The following SV2C variants were observed in gnomAD, a reference collection of about 807,000 sequenced individuals.
The protein encoded by SV2C is synaptic vesicle glycoprotein 2C.
Under a neutral mutation model 79.7 loss-of-function variants are expected in SV2C, and 49 were observed. That is an observed-to-expected ratio of 0.61 (90% CI 0.49 to 0.78). SV2C has a LOEUF of 0.78. SV2C is among the 30% of genes least tolerant of loss of function. SV2C has a pLI of 0.00. For missense variants in SV2C, 833 were observed against 912.9 expected, an observed-to-expected ratio of 0.91 and a Z score of 1.13; for synonymous variants, 334 against 333.2, an observed-to-expected ratio of 1.00 and a Z score of -0.03.
intron 4 of SV2C, among the ~76,000 whole-genome samples, chr5:76,228,395 C>T (rs1745317679): frequency 6.6e-6 from 1 of 152,140 alleles, no homozygotes; most frequent in South Asian, 2.1e-4. Flanking sequence ...AGGAATCACA[C>T]AGTGGAGAGG....
rs767305649 is a variant in SV2C at position 76,300,918 on chromosome 5, G to A, written c.1826G>A (p.Arg609His). 2.6e-5 allele frequency: 42 copies of A among 1,613,926 alleles called. No homozygotes were observed. Among genetic ancestry groups the A allele is most frequent in the African/African-American group, 4.0e-5 (3 of 74,894 alleles). ...VSALLMDRIG[R>H]LTMLGGSMVL... The stretch of plus-strand genomic sequence containing the variant: ...GCTCTGCTGATGGACAGAATTGGGC[G>A]CTTAACAATGCTAGGTATGTACTCA... Residue 609 changes from arginine (R) to histidine (H), a missense_variant, in exon 11 of 13, where the codon CGC becomes CAC. Arg to His is a conservative substitution (Grantham distance 29). Coordinates refer to ENST00000502798, the MANE Select transcript of SV2C (RefSeq NM_014979.4).
intron 12 of SV2C, among the ~76,000 whole-genome samples, chr5:76,318,431 G>GAA (rs921242353): frequency 2.7e-4 from 39 of 146,002 alleles, no homozygotes; most frequent in Non-Finnish European, 1.2e-4. Context: ...AAGAAAGAAA[G>GAA]AAAAAAAAAA....
chr5:76,335,741 G>A (rs1255041685), downstream of SV2C, among the ~76,000 whole-genome samples: 9 of 151,140 alleles, frequency 6.0e-5, no homozygotes, highest in East Asian at 3.9e-4. Context: ...GTTGGGGGTA[G>A]GGTCACAGAT....
intron 2 of SV2C, among the ~76,000 whole-genome samples, chr5:76,155,783 G>A (rs951490821): frequency 1.3e-5 from 2 of 151,886 alleles, no homozygotes; most frequent in Non-Finnish European, 2.9e-5. Flanking sequence ...CACTTAGAGA[G>A]AAGCATACCA....
chr5:75,911,609 C>T, the SV2C span: 1 of 698,972 alleles, frequency 1.4e-6, no homozygotes, highest in East Asian at 2.7e-5. Context: ...GTAAGAACTC[C>T]TGAGGTCAAA....
the SV2C span, among the ~76,000 whole-genome samples, chr5:75,858,563 T>C: frequency 6.6e-6 from 1 of 152,214 alleles, no homozygotes; most frequent in Non-Finnish European, 1.5e-5. Flanking sequence ...GCTGTAATTG[T>C]CTTTTTTTCT....
the SV2C span, among the ~76,000 whole-genome samples, chr5:76,062,933 A>G: frequency 6.6e-6 from 1 of 152,100 alleles, no homozygotes; most frequent in African/African-American, 2.4e-5. Flanking sequence ...CAGGCATTCA[A>G]ATTTGCATGT....
chr5:75,852,742 C>T, the SV2C span, among the ~76,000 whole-genome samples: 1 of 148,636 alleles, frequency 6.7e-6, no homozygotes, highest in East Asian at 2.0e-4. Context: ...AGGAGAATGG[C>T]GTGAACCCAG....
At chr5:75,853,760 G>A in the SV2C span, among the ~76,000 whole-genome samples, 3 of 151,490 alleles carry the variant, frequency 2.0e-5, no homozygotes, top group African/African-American at 7.3e-5. Context: ...TTATAGAAGT[G>A]TGTCAGCAAA....
At chr5:76,302,960 G>T (rs1040016591) in intron 12 of SV2C, among the ~76,000 whole-genome samples, 14 of 152,170 alleles carry the variant, frequency 9.2e-5, no homozygotes, top group Middle Eastern at 3.4e-3. Context: ...GCTTCCTCTG[G>T]GCTCATTCCC....
intron 1 of SV2C, among the ~76,000 whole-genome samples, chr5:76,096,303 T>C (rs1050593647): frequency 2.0e-5 from 3 of 152,200 alleles, no homozygotes; most frequent in Non-Finnish European, 4.4e-5. Flanking sequence ...CCTATTCTTC[T>C]TTTAACAATA....
At chr5:76,083,096 T>C (rs1747046280), upstream of SV2C, 1 of 152,386 alleles carries the variant, frequency 6.6e-6, no homozygotes, top group Admixed American at 6.5e-5. Flanking sequence ...TCTCCAGAAG[T>C]ACCTACCACT....
At chr5:75,870,976 A>G in the SV2C span, among the ~76,000 whole-genome samples, 2 of 152,238 alleles carry the variant, frequency 1.3e-5, no homozygotes, top group Non-Finnish European at 2.9e-5. Flanking sequence ...CTTCACATAA[A>G]TAGAGATTTA....
At chr5:75,951,654 T>C in the SV2C span, among the ~76,000 whole-genome samples, 1 of 152,070 alleles carries the variant, frequency 6.6e-6, no homozygotes, top group Non-Finnish European at 1.5e-5. Flanking sequence ...AGATGCCTCA[T>C]GCAGAAGAAA....
the SV2C span, among the ~76,000 whole-genome samples, chr5:76,006,592 GTCTGCCT>G: frequency 6.6e-6 from 1 of 152,206 alleles, no homozygotes; most frequent in South Asian, 2.1e-4. Flanking sequence ...TCTGACCCCA[GTCTGCCT>G]TCTTGCCTCA....
At chr5:76,285,937 T>C (rs749740703) in intron 6 of SV2C, 67 bp downstream of exon 6, 11 of 1,469,350 alleles carry the variant, frequency 7.5e-6, no homozygotes, top group Non-Finnish European at 1.0e-5. Context: ...AAGGGAAAAA[T>C]TGTAAATATT....
intron 4 of SV2C, among the ~76,000 whole-genome samples, chr5:76,220,225 TAAC>T (rs1325038202): frequency 6.6e-6 from 1 of 152,200 alleles, no homozygotes; most frequent in Non-Finnish European, 1.5e-5. Context: ...GCATACTAAG[TAAC>T]AACATCTAGT....
intron 2 of SV2C, among the ~76,000 whole-genome samples, chr5:76,164,075 TC>T (rs1254727023): frequency 6.6e-6 from 1 of 152,182 alleles, no homozygotes; most frequent in Non-Finnish European, 1.5e-5. Flanking sequence ...CCATCTATGC[TC>T]TTCTTTCAAC....
the SV2C span, among the ~76,000 whole-genome samples, chr5:76,073,532 T>TA: frequency 1.6e-5 from 2 of 128,638 alleles, no homozygotes; most frequent in African/African-American, 6.4e-5. Context: ...TATATATATA[T>TA]ATATATATAT....
Sources: allele counts gnomAD v4.1 joint callset (sites outside exome capture counted in the v4.1 genomes callset), GRCh38; gene constraint gnomAD v4.1.1; transcripts MANE v1.5; gene names NCBI Gene and HGNC (gene_info 2026-07-23, HGNC 2026-07-21).